The following SPOCK1 variants were observed in gnomAD, a reference collection of about 807,000 sequenced individuals.
The protein encoded by SPOCK1 is testican-1.
In SPOCK1, 23 loss-of-function variants were observed where a neutral mutation model predicts 55.3. That is an observed-to-expected ratio of 0.42 (90% CI 0.30 to 0.59). The LOEUF is 0.59. Ranked by LOEUF, SPOCK1 falls within the 20% of genes least tolerant of loss-of-function variation. SPOCK1 has a pLI of 0.22. For synonymous variants in SPOCK1, 226 were observed against 221.0 expected (o/e 1.02, Z -0.20); for missense variants, 499 against 552.5 (o/e 0.90, Z 0.97).
At chr5:137,292,426 TAAAAAAAAAAAAAAAAAAAAAAA>T (rs753574851) in intron 2 of SPOCK1, among the ~76,000 whole-genome samples, 582 of 38,008 alleles carry the variant, frequency 0.015, 4 homozygotes, top group African/African-American at 0.043. Context: ...CTGGTGTAGT[TAAAAAAAAAAAAAAAAAAAAAAA>T]AAAAAAAAAA....
intron 2 of SPOCK1, among the ~76,000 whole-genome samples, chr5:137,436,477 C>T (rs555416390): frequency 1.3e-5 from 2 of 152,100 alleles, no homozygotes; most frequent in Non-Finnish European, 2.9e-5. Flanking sequence ...CATGTTCCTG[C>T]AATAATAACC....
chr5:137,260,477 C>T (rs1449114672), intron 3 of SPOCK1, among the ~76,000 whole-genome samples: 1 of 152,118 alleles, frequency 6.6e-6, no homozygotes, highest in Non-Finnish European at 1.5e-5. Context: ...TATAATGTAA[C>T]ATTGCCTGTA....
chr5:137,356,846 G>T (rs1434670860), intron 2 of SPOCK1, among the ~76,000 whole-genome samples: 81 of 75,852 alleles, frequency 1.1e-3, no homozygotes, highest in African/African-American at 1.3e-3. Flanking sequence ...TATAGAGAGA[G>T]AGAGAGAGAG....
At chr5:137,034,167 C>T (rs1751835044) in intron 6 of SPOCK1, among the ~76,000 whole-genome samples, 1 of 152,206 alleles carries the variant, frequency 6.6e-6, no homozygotes, top group South Asian at 2.1e-4. Context: ...ACAGGCTGCT[C>T]AGGGTCTACC....
At chr5:137,407,448 C>T (rs1386728462) in intron 2 of SPOCK1, among the ~76,000 whole-genome samples, 2 of 152,138 alleles carry the variant, frequency 1.3e-5, no homozygotes, top group Non-Finnish European at 2.9e-5. Flanking sequence ...CAGTCACTCA[C>T]CAGCTTGGTG....
intron 6 of SPOCK1, among the ~76,000 whole-genome samples, chr5:137,031,196 A>G (rs1751772862): frequency 6.6e-6 from 1 of 152,196 alleles, no homozygotes; most frequent in Non-Finnish European, 1.5e-5. Context: ...ACTTGGAAAG[A>G]GAAGAAACAA....
intron 2 of SPOCK1, among the ~76,000 whole-genome samples, chr5:137,491,673 T>C (rs1231970075): frequency 6.6e-6 from 1 of 152,228 alleles, no homozygotes. Flanking sequence ...TGTGTGACCC[T>C]GAGAATTTCC....
chr5:137,071,667 A>G (rs997808780), intron 5 of SPOCK1, among the ~76,000 whole-genome samples: 6 of 152,198 alleles, frequency 3.9e-5, no homozygotes, highest in Non-Finnish European at 7.4e-5. Flanking sequence ...AGAAAACTCC[A>G]TGAGCAAGTG....
intron 4 of SPOCK1, among the ~76,000 whole-genome samples, chr5:137,134,297 T>G (rs1753940369): frequency 6.6e-6 from 1 of 152,232 alleles, no homozygotes; most frequent in South Asian, 2.1e-4. Flanking sequence ...CCAGCCACTT[T>G]CCTTCTCATC....
At chr5:137,404,036 T>C (rs1215752214) in intron 2 of SPOCK1, among the ~76,000 whole-genome samples, 1 of 152,118 alleles carries the variant, frequency 6.6e-6, no homozygotes, top group Non-Finnish European at 1.5e-5. Flanking sequence ...TTTGTGTCAA[T>C]CCCGACCAGA....
intron 2 of SPOCK1, among the ~76,000 whole-genome samples, chr5:137,427,097 G>T (rs1442849670): frequency 6.6e-6 from 1 of 152,180 alleles, no homozygotes; most frequent in Non-Finnish European, 1.5e-5. Context: ...AAGAGAGTGG[G>T]TATGCCTTCT....
intron 2 of SPOCK1, among the ~76,000 whole-genome samples, chr5:137,280,506 C>A (rs1196982956): frequency 6.6e-6 from 1 of 152,194 alleles, no homozygotes; most frequent in South Asian, 2.1e-4. Flanking sequence ...CAATAAGCTG[C>A]TTTTGCTTTT....
At chr5:137,257,415 G>A (rs1756658598) in intron 3 of SPOCK1, among the ~76,000 whole-genome samples, 1 of 152,078 alleles carries the variant, frequency 6.6e-6, no homozygotes, top group Admixed American at 6.6e-5. Flanking sequence ...CATTATCAAA[G>A]GAACCTCAGA....
intron 3 of SPOCK1, among the ~76,000 whole-genome samples, chr5:137,253,652 G>A (rs540318736): frequency 1.2e-3 from 185 of 152,232 alleles, no homozygotes; most frequent in African/African-American, 4.2e-3. Flanking sequence ...TCCCAGGAGC[G>A]GTGTCTCAGT....
At chr5:137,257,043 C>T (rs542582639) in intron 3 of SPOCK1, among the ~76,000 whole-genome samples, 219 of 152,310 alleles carry the variant, frequency 1.4e-3, no homozygotes, top group Admixed American at 2.4e-3. Context: ...GTCAGGGCTG[C>T]TCTCTGCCAG....
At chr5:137,106,896 G>A (rs1256073895) in intron 5 of SPOCK1, among the ~76,000 whole-genome samples, 3 of 152,006 alleles carry the variant, frequency 2.0e-5, no homozygotes, top group African/African-American at 7.3e-5. Context: ...ATGTGACCCA[G>A]CCACACTGAC....
intron 2 of SPOCK1, among the ~76,000 whole-genome samples, chr5:137,291,757 C>T (rs1580849954): frequency 6.6e-6 from 1 of 152,190 alleles, no homozygotes. Flanking sequence ...CAGGCTTCCC[C>T]CTTCTTCCAA....
chr5:137,206,305 T>G (rs1755519845), intron 3 of SPOCK1, among the ~76,000 whole-genome samples: 1 of 152,246 alleles, frequency 6.6e-6, no homozygotes, highest in Non-Finnish European at 1.5e-5. Context: ...TCCAAGCCTC[T>G]GGAGCTTCAT....
At chr5:137,422,120 T>G (rs1256190224) in intron 2 of SPOCK1, among the ~76,000 whole-genome samples, 1 of 152,258 alleles carries the variant, frequency 6.6e-6, no homozygotes, top group Non-Finnish European at 1.5e-5. Flanking sequence ...ACGTTGAATA[T>G]TGTCCCCCAC....
Sources: gnomAD v4.1 joint callset for allele counts (sites outside exome capture counted in the v4.1 genomes callset) on GRCh38, gnomAD v4.1.1 for gene constraint, MANE v1.5 for transcripts, NCBI Gene and HGNC (gene_info 2026-07-23, HGNC 2026-07-21) for gene names.